The following RPH3A variants were observed in gnomAD, a reference collection of about 807,000 sequenced individuals.
The protein encoded by RPH3A is rabphilin 3A.
RPH3A carries 48 observed loss-of-function variants against 102.2 expected under a neutral mutation model. The ratio of observed to expected loss-of-function variants is 0.47; its 90% confidence interval spans 0.37 to 0.60. The LOEUF (loss-of-function observed/expected upper bound fraction) is 0.60, where lower values mean the gene tolerates loss of function less well. Ranked by LOEUF, RPH3A falls within the 20% of genes least tolerant of loss-of-function variation. The probability of loss-of-function intolerance (pLI) is 0.00; values close to 1 mark genes in which losing one functional copy is unlikely to be tolerated. For synonymous variants in RPH3A, 310 were observed against 324.3 expected, an observed-to-expected ratio of 0.96 and a Z score of 0.47; for missense variants, 781 against 910.1, an observed-to-expected ratio of 0.86 and a Z score of 1.83.
chr12:112,580,642 G>T (rs1205102689), intron 1 of RPH3A, among the ~76,000 whole-genome samples: 1 of 151,880 alleles, frequency 6.6e-6, no homozygotes, highest in African/African-American at 2.4e-5. Flanking sequence ...TCCTGACCTC[G>T]TGATCCGCCC....
At chr12:112,682,774 G>T (rs1304600848) in intron 1 of RPH3A, among the ~76,000 whole-genome samples, 2 of 152,162 alleles carry the variant, frequency 1.3e-5, no homozygotes, top group Non-Finnish European at 2.9e-5. Context: ...CAGGAACAAT[G>T]GAATGCTTTA....
upstream of RPH3A, among the ~76,000 whole-genome samples, chr12:112,788,927 C>G (rs184336272): frequency 1.1e-3 from 172 of 152,146 alleles, no homozygotes; most frequent in Non-Finnish European, 2.3e-3. Context: ...GGGAGGTCGA[C>G]GTGGGCAGGT....
chr12:112,671,771 A>G (rs1233404640), intron 1 of RPH3A, among the ~76,000 whole-genome samples: 2 of 152,020 alleles, frequency 1.3e-5, no homozygotes, highest in Non-Finnish European at 2.9e-5. Flanking sequence ...AGTAGCAGAG[A>G]GTACATGAGT....
At chr12:112,888,243 G>A (rs1206905574) in intron 17 of RPH3A, among the ~76,000 whole-genome samples, 1 of 152,246 alleles carries the variant, frequency 6.6e-6, no homozygotes, top group Non-Finnish European at 1.5e-5. Context: ...CCTTGGCCAA[G>A]GGGCTGAACC....
At chr12:112,595,290 T>G (rs112375042) in intron 1 of RPH3A, among the ~76,000 whole-genome samples, 118 of 152,314 alleles carry the variant, frequency 7.7e-4, no homozygotes, top group African/African-American at 2.7e-3. Flanking sequence ...TCTTACTTGG[T>G]GGCTTTCTTT....
intron 1 of RPH3A, among the ~76,000 whole-genome samples, chr12:112,725,184 G>A (rs1374100862): frequency 1.4e-5 from 2 of 147,032 alleles, no homozygotes; most frequent in Non-Finnish European, 3.0e-5. Context: ...GAGAGGCGGA[G>A]GTTGCAGTGA....
intron 1 of RPH3A, among the ~76,000 whole-genome samples, chr12:112,733,833 C>T (rs1404753344): frequency 1.3e-5 from 2 of 152,144 alleles, no homozygotes; most frequent in Non-Finnish European, 2.9e-5. Flanking sequence ...TTTTCCTTTC[C>T]TTCTACCTTT....
Position 112,869,890 on chromosome 12 carries a change from C to T in RPH3A, c.650-3C>T. The T allele has an allele frequency of 6.2e-7, 1 of 1,614,030 alleles. No individual in the cohort carries two copies. Among genetic ancestry groups the T allele is most frequent in the Non-Finnish European group, 8.5e-7 (1 of 1,179,940 alleles). On this transcript the variant is annotated splice_region_variant and splice_polypyrimidine_tract_variant and intron_variant, in intron 9 of 21. Coordinates refer to ENST00000389385, the MANE Select transcript of RPH3A (RefSeq NM_001143854.2). ...TCTACTCAATTCATGCTCTTCTTTCCAGGCCCTGACCCAGCCTCTGCTCCC... is the reference window on the plus strand; with the variant it reads ...TCTACTCAATTCATGCTCTTCTTTCTAGGCCCTGACCCAGCCTCTGCTCCC...
chr12:112,727,502 C>CG (rs200095527), intron 1 of RPH3A, among the ~76,000 whole-genome samples: 2 of 96,716 alleles, frequency 2.1e-5, no homozygotes, highest in African/African-American at 9.0e-5. Flanking sequence ...GACCCCCCCC[C>CG]CCCACACACA....
intron 1 of RPH3A, among the ~76,000 whole-genome samples, chr12:112,776,196 A>G (rs191110442): frequency 6.6e-6 from 1 of 152,310 alleles, no homozygotes; most frequent in Non-Finnish European, 1.5e-5. Context: ...AATATCTACT[A>G]TGAGTGAAGA....
chr12:112,826,989 C>T (rs2041888135), intron 2 of RPH3A, among the ~76,000 whole-genome samples: 1 of 152,076 alleles, frequency 6.6e-6, no homozygotes, highest in African/African-American at 2.4e-5. Context: ...ATTCCTGAGC[C>T]ACAGAGTAGA....
chr12:112,823,734 T>C (rs1425445742), intron 2 of RPH3A, among the ~76,000 whole-genome samples: 1 of 152,070 alleles, frequency 6.6e-6, no homozygotes, highest in Non-Finnish European at 1.5e-5. Context: ...TCCAGTCTAT[T>C]ATGACGATGG....
At chr12:112,743,871 G>A (rs1312480384) in intron 1 of RPH3A, among the ~76,000 whole-genome samples, 3 of 152,114 alleles carry the variant, frequency 2.0e-5, no homozygotes, top group Non-Finnish European at 4.4e-5. Context: ...ATGTGGGCAA[G>A]ATTTTCTTCT....
intron 1 of RPH3A, among the ~76,000 whole-genome samples, chr12:112,673,531 T>C (rs569369685): frequency 1.3e-5 from 2 of 149,562 alleles, no homozygotes; most frequent in South Asian, 2.2e-4. Flanking sequence ...GGTTCTTTTT[T>C]AAAAACTAAA....
intron 1 of RPH3A, among the ~76,000 whole-genome samples, chr12:112,724,215 C>T (rs1565861123): frequency 6.6e-6 from 1 of 151,856 alleles, no homozygotes. Flanking sequence ...TGACACCATG[C>T]CTGGCTAATT....
chr12:112,619,836 A>G (rs1184523660), intron 1 of RPH3A, among the ~76,000 whole-genome samples: 1 of 152,204 alleles, frequency 6.6e-6, no homozygotes, highest in Non-Finnish European at 1.5e-5. Context: ...TTAGTGGCAT[A>G]ATAATATTCT....
At chr12:112,825,077 C>A (rs920328672) in intron 2 of RPH3A, among the ~76,000 whole-genome samples, 1 of 152,196 alleles carries the variant, frequency 6.6e-6, no homozygotes, top group Admixed American at 6.5e-5. Context: ...TTGCACTCAG[C>A]AGGGGCCAGA....
chr12:112,710,380 T>C (rs189970587), intron 1 of RPH3A, among the ~76,000 whole-genome samples: 2 of 152,296 alleles, frequency 1.3e-5, no homozygotes, highest in East Asian at 3.9e-4. Context: ...GTTGGAATGT[T>C]TGGCTGAGAT....
chr12:112,621,267 G>A (rs1475703430), intron 1 of RPH3A, among the ~76,000 whole-genome samples: 2 of 151,440 alleles, frequency 1.3e-5, no homozygotes, highest in Non-Finnish European at 2.9e-5. Context: ...CGCAGAAGAC[G>A]GGTGATTTCT....
Sources: gnomAD v4.1 joint callset for allele counts (sites outside exome capture counted in the v4.1 genomes callset) on GRCh38, gnomAD v4.1.1 for gene constraint, MANE v1.5 for transcripts, NCBI Gene and HGNC (gene_info 2026-07-23, HGNC 2026-07-21) for gene names.